Variants in ITSN2 observed in about 807,000 individuals in gnomAD.
ITSN2 encodes the protein intersectin-2.
ITSN2 carries 156 observed loss-of-function variants against 243.7 expected under a neutral mutation model. That is an observed-to-expected ratio of 0.64 (90% confidence interval 0.56 to 0.73). The LOEUF (loss-of-function observed/expected upper bound fraction) is 0.73, where lower values mean the gene tolerates loss of function less well. Among genes scored for constraint, ITSN2 ranks in the 30% least tolerant of loss-of-function variants. ITSN2 has a pLI of 0.00. For synonymous variants in ITSN2, 703 were observed against 699.9 expected, an observed-to-expected ratio of 1.00 and a Z score of -0.07; for missense variants, 1,801 against 1,996.1, an observed-to-expected ratio of 0.90 and a Z score of 1.86.
In ITSN2 at chr2:24,359,819, C is replaced by T. The variant is rs146241773; in HGVS notation, c.-34+485G>A. 3.3e-3 allele frequency among the ~76,000 whole-genome samples: 509 copies of T among 152,224 alleles called. 2 individuals carry two copies. Among genetic ancestry groups the T allele is most frequent in the Middle Eastern group, 0.02 (6 of 294 alleles). On this transcript the variant is annotated intron_variant, in intron 1 of 39. Coordinates refer to ENST00000355123, the MANE Select transcript of ITSN2 (RefSeq NM_006277.3). ...CCTCTCGTGACTCGGGCTACTTTGA[C>T]GCACCGGGATGCGGCTCACCTGACA...
rs779231072 is a variant in ITSN2, at chr2:24,310,364, T to C, written c.573A>G (p.Ser191=). ...ATCCTCCCATCATCAGACTATAAGA[T>C]GACCCATGAGGCAATGCTAAAAAAG... ...PYSSSTLPHG[S]SYSLMMGGFG... The change falls in exon 7 of 40, where the codon TCA becomes TCG. Residue 191 remains serine, a synonymous_variant. Transcript: ENST00000355123. The C allele has an allele frequency of 1.9e-6, 3 of 1,613,642 alleles. No individual in the cohort carries two copies. The highest frequency in any genetic ancestry group is 2.5e-6 in the Non-Finnish European group (3 of 1,179,792).
chr2:24,268,740 C>G (rs1676977155), intron 20 of ITSN2, among the ~76,000 whole-genome samples: 1 of 151,512 alleles, frequency 6.6e-6, no homozygotes, highest in Non-Finnish European at 1.5e-5. Flanking sequence ...TAAACTTGCT[C>G]AAGCTTCAGC....
At position 24,203,582 on chromosome 2, in the gene ITSN2, C is replaced by T; in HGVS notation, c.*44G>A. ...AGAGCGCAGTCTCTCATTCTCCAGC[C>T]CCAGCCTTGTGGGCTGTCCCGCTGG... On this transcript the variant is annotated 3_prime_UTR_variant, in exon 40 of 40. Transcript: ENST00000355123. The T allele has an allele frequency of 1.3e-6, 2 of 1,583,406 alleles. No individual in the cohort carries two copies. Among genetic ancestry groups the T allele is most frequent in the Non-Finnish European group, 8.6e-7 (1 of 1,163,076 alleles).
At chr2:24,316,937 T>C (rs1683997188) in intron 2 of ITSN2, among the ~76,000 whole-genome samples, 1 of 152,180 alleles carries the variant, frequency 6.6e-6, no homozygotes, top group Non-Finnish European at 1.5e-5. Context: ...GAAGGCCTAG[T>C]GATTCTCTAG....
In ITSN2 at chr2:24,204,134, C is replaced by T. The variant is rs1326672760; in HGVS notation, c.4936+111G>A. ...AAAGCGAGATGACACAGGCCTGTGT[C>T]ACTTCCCTGAAGTGGCATGGGGTCT... is the stretch of plus-strand genomic sequence containing the variant. On this transcript the variant is annotated intron_variant, in intron 39 of 39. Coordinates refer to ENST00000355123, the MANE Select transcript of ITSN2 (RefSeq NM_006277.3). This position sits in a 1 kb window ranked among gnomAD's most constrained non-coding sequence, Gnocchi z 5.1. 9.2e-7 allele frequency: 1 copy of T among 1,082,936 alleles called. No individual in the cohort carries two copies. Among genetic ancestry groups the T allele is most frequent in the African/African-American group, 1.6e-5 (1 of 63,460 alleles). 67.1% of individuals were successfully genotyped at this position (1,082,936 alleles called of 1,614,324 possible).
chr2:24,226,603 G>A (rs976140450), intron 29 of ITSN2, among the ~76,000 whole-genome samples: 2 of 152,148 alleles, frequency 1.3e-5, no homozygotes, highest in African/African-American at 4.8e-5. Context: ...AGCGGTAAAT[G>A]TGCTCAGACT....
At chr2:24,288,929 C>T (rs759672244) in intron 15 of ITSN2, among the ~76,000 whole-genome samples, 4 of 152,114 alleles carry the variant, frequency 2.6e-5, no homozygotes, top group Non-Finnish European at 2.9e-5. Flanking sequence ...TGTCTTTCTG[C>T]GCTTGGCTTA....
intron 18 of ITSN2, among the ~76,000 whole-genome samples, chr2:24,274,478 G>A (rs576656029): frequency 4.6e-5 from 7 of 152,236 alleles, no homozygotes; most frequent in Non-Finnish European, 2.9e-5. Flanking sequence ...GGGAGCTTAG[G>A]CAGGAGGATT....
Position 24,313,463 on chromosome 2 carries a change from A to C in ITSN2, c.185T>G (p.Ile62Arg). The C allele has an allele frequency of 6.2e-7, 1 of 1,612,742 alleles. No individual in the cohort carries two copies. Among genetic ancestry groups the C allele is most frequent in the Non-Finnish European group, 8.5e-7 (1 of 1,179,226 alleles). ...GTTCATCTACAAAACACTTTACCAT[A>C]TTTCAGCTAAAACAGGGGCCGGCAG... ...SGLPAPVLAE[I>R]WALSDLNKDG... Residue 62 changes from isoleucine to arginine, a missense_variant, in exon 4 of 40, where the codon ATA (isoleucine) becomes AGA (arginine). By Grantham distance (97) the Ile-to-Arg change is moderately conservative (BLOSUM62 -3). This residue lies in a region of ITSN2 where 77 missense variants were observed against 90.1 expected (regional missense o/e 0.85). Transcript: ENST00000355123.
intron 17 of ITSN2, among the ~76,000 whole-genome samples, chr2:24,281,173 C>T (rs563013592): frequency 1.1e-4 from 16 of 152,120 alleles, no homozygotes; most frequent in East Asian, 1.9e-4. Context: ...GGATTAAAGG[C>T]GCGTGCCACC....
intron 35 of ITSN2, 105 bp from the exon 36 acceptor site, chr2:24,209,326 G>A: frequency 1.5e-6 from 2 of 1,337,586 alleles, no homozygotes; most frequent in South Asian, 2.6e-5. Context: ...TTGTTGAGAA[G>A]GAGAAAGGGG....
intron 1 of ITSN2, among the ~76,000 whole-genome samples, chr2:24,333,308 G>C (rs1284125313): frequency 6.6e-6 from 1 of 152,186 alleles, no homozygotes; most frequent in Non-Finnish European, 1.5e-5. Flanking sequence ...CAACACACTG[G>C]ACAGCATCAA....
chr2:24,311,878 TATAG>T (rs1283021051), intron 5 of ITSN2, among the ~76,000 whole-genome samples: 2 of 152,128 alleles, frequency 1.3e-5, no homozygotes, highest in Admixed American at 6.5e-5. Flanking sequence ...CTCACATATA[TATAG>T]AGAGAGAGGA....
chr2:24,300,668 G>A (rs1357942167), intron 11 of ITSN2, among the ~76,000 whole-genome samples: 1 of 151,836 alleles, frequency 6.6e-6, no homozygotes, highest in Non-Finnish European at 1.5e-5. Flanking sequence ...GCAGTGAGCC[G>A]GGATTGTGCT....
intron 29 of ITSN2, chr2:24,238,967 T>C (rs1672455329): frequency 1.3e-5 from 2 of 152,404 alleles, no homozygotes; most frequent in East Asian, 3.9e-4. Context: ...CACACTTGCA[T>C]AGTTATATTA....
chr2:24,247,471 A>G (rs1673537201), intron 27 of ITSN2, among the ~76,000 whole-genome samples: 1 of 152,180 alleles, frequency 6.6e-6, no homozygotes, highest in Non-Finnish European at 1.5e-5. Context: ...TGAGTTCTGT[A>G]AAGTCCTTCT....
intron 2 of ITSN2, among the ~76,000 whole-genome samples, chr2:24,320,737 A>ACC (rs1491493815): frequency 0.025 from 3 of 118 alleles, no homozygotes; most frequent in African/African-American, 0.059. Context: ...AACAACCACC[A>ACC]AAAAAAAAAA....
intron 29 of ITSN2, 129 bp from the exon 30 acceptor site, chr2:24,221,195 T>G: frequency 1.0e-6 from 1 of 976,920 alleles, no homozygotes; most frequent in East Asian, 2.6e-5. Flanking sequence ...AAAAGGACGC[T>G]GCTAACTTCT....
intron 13 of ITSN2, among the ~76,000 whole-genome samples, chr2:24,298,420 C>T (rs539875789): frequency 1.3e-5 from 2 of 151,854 alleles, no homozygotes; most frequent in African/African-American, 2.4e-5. Context: ...CCTCCCAAAG[C>T]GTTGGGATTA....
Sources: allele counts gnomAD v4.1 joint callset (sites outside exome capture counted in the v4.1 genomes callset), GRCh38; gene constraint gnomAD v4.1.1; regional missense constraint gnomAD v4.1.1; non-coding constraint Gnocchi (gnomAD v3.1); transcripts MANE v1.5; gene names NCBI Gene and HGNC (gene_info 2026-07-23, HGNC 2026-07-21).